Variants in STYXL1 observed in about 807,000 individuals in gnomAD.
STYXL1 encodes serine/threonine/tyrosine-interacting-like protein 1.
In STYXL1, 32 loss-of-function variants were observed where a neutral mutation model predicts 36.4. That is an observed-to-expected ratio of 0.88 (90% CI 0.66 to 1.18). The LOEUF is 1.18. Ranked by LOEUF, STYXL1 falls within the 50% of genes most tolerant of loss-of-function variation. The pLI is 0.00. For missense variants in STYXL1, 354 were observed against 394.1 expected (o/e 0.90, Z 0.86); for synonymous variants, 133 against 144.1 (o/e 0.92, Z 0.55).
At chr7:75,999,675 G>C (rs1554565814) in intron 8 of STYXL1, among the ~76,000 whole-genome samples, 2 of 151,872 alleles carry the variant, frequency 1.3e-5, no homozygotes, top group Non-Finnish European at 2.9e-5. Flanking sequence ...AGCCTCCAGA[G>C]TAGCTGGGAT....
At chr7:76,021,690 C>G (rs547633149) in intron 4 of STYXL1, among the ~76,000 whole-genome samples, 161 bp downstream of exon 4, 1 of 152,278 alleles carries the variant, frequency 6.6e-6, no homozygotes, top group East Asian at 1.9e-4. Context: ...TCTCCTTGCT[C>G]GGTATCCAGT....
intron 8 of STYXL1, among the ~76,000 whole-genome samples, chr7:76,000,167 G>A (rs892462438): frequency 1.8e-4 from 26 of 148,336 alleles, no homozygotes; most frequent in Non-Finnish European, 3.9e-4. Context: ...CCCAGGAGGT[G>A]GAGATTGCAC....
chr7:76,019,309 T>C (rs556838021), intron 4 of STYXL1, among the ~76,000 whole-genome samples: 226 of 151,934 alleles, frequency 1.5e-3, no homozygotes, highest in African/African-American at 5.1e-3. Flanking sequence ...AAATACGTTT[T>C]TTTTAGAGAC....
rs782786527 is a variant in STYXL1 at position 76,047,889 on chromosome 7, C to T, written c.-232G>A. Reference sequence around the variant, plus strand: ...ACCTCTTGGGTGCAGACTGGCCCTCCCACTCCGACCGCAGGTCCCCCACCG... The same window carrying T: ...ACCTCTTGGGTGCAGACTGGCCCTCTCACTCCGACCGCAGGTCCCCCACCG... On this transcript the variant is annotated 5_prime_UTR_variant, in exon 1 of 9. Transcript: ENST00000359697. 27 of 1,401,534 alleles carry T rather than the reference C, an allele frequency of 1.9e-5. No homozygotes were observed. The highest frequency in any genetic ancestry group is 2.9e-5 in the Admixed American group (1 of 34,990). 86.8% of individuals were successfully genotyped at this position (1,401,534 alleles called of 1,614,324 possible).
chr7:76,041,712 T>C (rs542314515), intron 1 of STYXL1, among the ~76,000 whole-genome samples: 1 of 152,298 alleles, frequency 6.6e-6, no homozygotes, highest in East Asian at 1.9e-4. Flanking sequence ...GCTATATAAA[T>C]TACCCAATCT....
Position 76,000,880 on chromosome 7 carries a change from G to T in STYXL1, c.810+10C>A. On this transcript the variant is annotated intron_variant, in intron 8 of 8. Coordinates refer to ENST00000359697, the MANE Select transcript of STYXL1 (RefSeq NM_001317785.2). The stretch of plus-strand genomic sequence containing the variant: ...GGCCGTGGTGCGAGCCTGGCCCGGG[G>T]AACGCATACCTGCAAGGTCTGCTCG... 2 of 1,612,114 alleles carry T rather than the reference G, an allele frequency of 1.2e-6. No individual in the cohort carries two copies. The highest frequency in any genetic ancestry group is 8.5e-7 in the Non-Finnish European group (1 of 1,178,192).
chr7:76,005,623 C>T (rs544997608), intron 5 of STYXL1, among the ~76,000 whole-genome samples: 38 of 152,214 alleles, frequency 2.5e-4, no homozygotes, highest in African/African-American at 8.4e-4. Flanking sequence ...TCGTGCAGAG[C>T]GCTGGGTCTC....
At chr7:76,017,951 G>A (rs1474254038) in intron 4 of STYXL1, among the ~76,000 whole-genome samples, 13 of 151,020 alleles carry the variant, frequency 8.6e-5, no homozygotes, top group African/African-American at 3.2e-4. Context: ...CTGGGTGATG[G>A]GTTCAATATA....
intron 4 of STYXL1, among the ~76,000 whole-genome samples, chr7:76,014,111 TG>T (rs1376762689): frequency 6.6e-6 from 1 of 151,866 alleles, no homozygotes; most frequent in African/African-American, 2.4e-5. Context: ...CCCAAGTAGC[TG>T]GGACTACAGG....
At chr7:75,997,793 A>C (rs1472998423) in intron 8 of STYXL1, among the ~76,000 whole-genome samples, 2 of 152,230 alleles carry the variant, frequency 1.3e-5, no homozygotes, top group Non-Finnish European at 2.9e-5. Flanking sequence ...ACATGCAAAA[A>C]TTAGTTGCAT....
intron 5 of STYXL1, among the ~76,000 whole-genome samples, chr7:76,010,428 T>G (rs1554571890): frequency 6.7e-6 from 1 of 149,086 alleles, no homozygotes; most frequent in Non-Finnish European, 1.5e-5. Flanking sequence ...TGAAGGAATG[T>G]GGGCATGCGG....
At chr7:76,013,263 T>C (rs1792808398) in intron 5 of STYXL1, among the ~76,000 whole-genome samples, 2 of 150,860 alleles carry the variant, frequency 1.3e-5, no homozygotes, top group South Asian at 4.2e-4. Flanking sequence ...GAGGCAGAGC[T>C]TGCAGTGAGC....
chr7:76,016,507 A>ATGTGTGTGTGTTTT (rs1554574071), intron 4 of STYXL1, among the ~76,000 whole-genome samples: 1 of 152,022 alleles, frequency 6.6e-6, no homozygotes, highest in Non-Finnish European at 1.5e-5. Context: ...ACACACACAC[A>ATGTGTGTGTGTTTT]TATATATATC....
chr7:76,015,271 G>C (rs1195424580), intron 4 of STYXL1, among the ~76,000 whole-genome samples: 1 of 152,078 alleles, frequency 6.6e-6, no homozygotes, highest in Non-Finnish European at 1.5e-5. Context: ...AAGGGGAAAG[G>C]ACTCCCACTT....
At chr7:76,013,355 G>C (rs1419063023) in intron 5 of STYXL1, among the ~76,000 whole-genome samples, 1 of 136,956 alleles carries the variant, frequency 7.3e-6, no homozygotes, top group Non-Finnish European at 1.6e-5. Context: ...TGGAGGAGAT[G>C]GGGGAGACTG....
intron 3 of STYXL1, among the ~76,000 whole-genome samples, chr7:76,028,429 T>C (rs1213654857): frequency 6.6e-6 from 1 of 152,120 alleles, no homozygotes; most frequent in African/African-American, 2.4e-5. Context: ...ATTAAATCAG[T>C]ATTTGTCTAA....
chr7:76,028,492 AGGGTGAGAGG>A, intron 3 of STYXL1, 140 bp downstream of exon 3: 1 of 673,336 alleles, frequency 1.5e-6, no homozygotes, highest in East Asian at 2.7e-5. Flanking sequence ...AAAATGTGTG[AGGGTGAGAGG>A]TGTGGAAGAC....
chr7:76,009,146 A>G (rs2115646057), intron 5 of STYXL1, among the ~76,000 whole-genome samples: 1 of 152,232 alleles, frequency 6.6e-6, no homozygotes, highest in East Asian at 1.9e-4. Flanking sequence ...TGTGGATAAA[A>G]ACACACTGTA....
rs542368737 is a variant in STYXL1 at position 76,003,540 on chromosome 7, A to G, written c.697+218T>C. ...AGAGCCTTGGGCCCCACTGCCCCCGAGGTAAACACCACGGTTGCTCGTTTC... is the reference window on the plus strand; with the variant it reads ...AGAGCCTTGGGCCCCACTGCCCCCGGGGTAAACACCACGGTTGCTCGTTTC... On this transcript the variant is annotated intron_variant, in intron 7 of 8. Coordinates refer to ENST00000359697, the MANE Select transcript of STYXL1 (RefSeq NM_001317785.2). Among the ~76,000 whole-genome samples the G allele has an allele frequency of 8.5e-5, 13 of 152,302 alleles. No homozygotes were observed. The South Asian group carries it at 2.5e-3, about 29-fold the overall frequency.
Sources: allele counts gnomAD v4.1 joint callset (sites outside exome capture counted in the v4.1 genomes callset), GRCh38; gene constraint gnomAD v4.1.1; transcripts MANE v1.5; gene names NCBI Gene and HGNC (gene_info 2026-07-23, HGNC 2026-07-21).